Variants in EGFR observed in about 807,000 individuals in gnomAD.
EGFR encodes the protein epidermal growth factor receptor, also known as avian erythroblastic leukemia viral (v-erb-b) oncogene homolog.
A neutral mutation model predicts 143.0 loss-of-function variants in EGFR; 58 were observed. The observed-to-expected ratio is 0.41, with a 90% CI of 0.33 to 0.50. The LOEUF (loss-of-function observed/expected upper bound fraction) is 0.50, where lower values mean the gene tolerates loss of function less well. Ranked by LOEUF, EGFR falls within the 20% of genes least tolerant of loss-of-function variation. EGFR has a pLI of 0.39. For missense variants in EGFR, 1,307 were observed against 1,579.0 expected (o/e 0.83, Z 2.92); for synonymous variants, 613 against 594.4 (o/e 1.03, Z -0.45).
At chr7:55,146,104 T>A (rs1794745450) in intron 3 of EGFR, among the ~76,000 whole-genome samples, 1 of 152,078 alleles carries the variant, frequency 6.6e-6, no homozygotes, top group South Asian at 2.1e-4. Context: ...TACATTCAGA[T>A]TCTTCTTGTT....
At chr7:55,050,891 G>A (rs976901196) in intron 1 of EGFR, among the ~76,000 whole-genome samples, 2 of 152,114 alleles carry the variant, frequency 1.3e-5, no homozygotes, top group African/African-American at 4.8e-5. Flanking sequence ...CCCCCTCCAT[G>A]GCCCTTCCTC....
intron 1 of EGFR, among the ~76,000 whole-genome samples, chr7:55,128,377 G>C (rs955055941): frequency 6.6e-6 from 1 of 152,196 alleles, no homozygotes; most frequent in Non-Finnish European, 1.5e-5. Context: ...CTTCACCTTA[G>C]TCATTGCCCT....
chr7:55,160,338 A>G lies in EGFR; in HGVS notation c.1498A>G (p.Lys500Glu), dbSNP rs1206537132. ...IISNRGENSCKATGQVCHALC... is the reference protein window; with the variant it reads ...IISNRGENSCEATGQVCHALC... ...AAGCAACAGAGGTGAAAACAGCTGC[A>G]GTAAGTCACCGCTTTCTGTTTAGTT... Residue 500 changes from lysine to glutamate, a missense_variant and splice_region_variant, in exon 12 of 28, where the codon AAG becomes GAG. Around this residue, in one of 7 missense-constraint regions of EGFR, gnomAD observed 250 missense variants for 295.1 expected, o/e 0.85. Transcript: ENST00000275493. 1.2e-6 allele frequency: 2 copies of G among 1,612,688 alleles called. No homozygotes were observed. Among genetic ancestry groups the G allele is most frequent in the East Asian group, 4.5e-5 (2 of 44,886 alleles).
Position 55,207,575 on chromosome 7 carries a change from G to A in EGFR, c.*1958G>A, listed in dbSNP as rs1027813426. ...CTGCCTGAGGAGACCTGGAAGGGAG[G>A]CCTCACAGGAGGATGACCAGGTCTC... On this transcript the variant is annotated 3_prime_UTR_variant, in exon 28 of 28. Coordinates refer to ENST00000275493, the MANE Select transcript of EGFR (RefSeq NM_005228.5). 1 of 170,076 alleles carries A rather than the reference G, an allele frequency of 5.9e-6. No homozygotes were observed. The highest frequency in any genetic ancestry group is 2.4e-5 in the African/African-American group (1 of 42,038). 10.5% of individuals were successfully genotyped at this position (170,076 alleles called of 1,614,324 possible).
intron 13 of EGFR, 45 bp from the exon 14 acceptor site, chr7:55,163,688 A>G (rs2128944472): frequency 6.5e-7 from 1 of 1,540,832 alleles, no homozygotes; most frequent in Non-Finnish European, 9.0e-7. Flanking sequence ...TTCCTGCAAT[A>G]ATGTCTCAGG....
At chr7:55,184,127 G>A (rs562155145) in intron 20 of EGFR, among the ~76,000 whole-genome samples, 229 of 152,314 alleles carry the variant, frequency 1.5e-3, no homozygotes, top group African/African-American at 5.4e-3. Flanking sequence ...CTCGTCTCCC[G>A]ACTGTGGAGT....
chr7:55,102,557 A>G (rs1206501628), intron 1 of EGFR, among the ~76,000 whole-genome samples: 3 of 152,222 alleles, frequency 2.0e-5, no homozygotes, highest in African/African-American at 4.8e-5. Context: ...CGTCAAAAGA[A>G]TAAGATTTCA....
chr7:55,067,800 T>C (rs969695460), intron 1 of EGFR, among the ~76,000 whole-genome samples: 3 of 151,216 alleles, frequency 2.0e-5, no homozygotes, highest in African/African-American at 7.4e-5. Context: ...ATAGTTGCCA[T>C]TGTGTGTGCG....
At chr7:55,183,502 C>T (rs573574956) in intron 20 of EGFR, among the ~76,000 whole-genome samples, 35 of 152,164 alleles carry the variant, frequency 2.3e-4, no homozygotes, top group African/African-American at 5.3e-4. Flanking sequence ...TTTGGGTAGA[C>T]GTGAAATGTG....
In EGFR at chr7:55,154,055, C is replaced by T. The variant is rs781427942; in HGVS notation, c.792C>T (p.Cys264=). 3.1e-6 allele frequency: 5 copies of T among 1,614,194 alleles called. No homozygotes were observed. The highest frequency in any genetic ancestry group is 2.2e-5 in the South Asian group (2 of 91,082). ...FRDEATCKDT[C]PPLMLYNPTT... ...ACGAAGCCACGTGCAAGGACACCTG[C>T]CCCCCACTCATGCTCTACAACCCCA... Residue 264 remains cysteine (C), a synonymous_variant, in exon 7 of 28, where the codon TGC becomes TGT. Coordinates refer to ENST00000275493, the MANE Select transcript of EGFR (RefSeq NM_005228.5).
chr7:55,057,432 TG>T (rs1475380295), intron 1 of EGFR, among the ~76,000 whole-genome samples: 2 of 152,184 alleles, frequency 1.3e-5, no homozygotes, highest in Non-Finnish European at 2.9e-5. Flanking sequence ...TATTTATGTG[TG>T]GGTCTGCAGC....
chr7:55,085,892 G>T (rs886310180), intron 1 of EGFR, among the ~76,000 whole-genome samples: 1 of 152,206 alleles, frequency 6.6e-6, no homozygotes, highest in Non-Finnish European at 1.5e-5. Context: ...TTGTGCAGAT[G>T]TGCCTCCGTG....
chr7:55,148,866 A>G (rs1337623377), intron 4 of EGFR, among the ~76,000 whole-genome samples: 1 of 152,192 alleles, frequency 6.6e-6, no homozygotes, highest in African/African-American at 2.4e-5. Context: ...CACCAAAAAA[A>G]AAAATCTCAT....
chr7:55,062,967 G>T (rs963675100), intron 1 of EGFR, among the ~76,000 whole-genome samples: 1 of 152,036 alleles, frequency 6.6e-6, no homozygotes, highest in Admixed American at 6.6e-5. Context: ...AGGCACCACG[G>T]TTCCCTTTTT....
intron 1 of EGFR, among the ~76,000 whole-genome samples, chr7:55,027,988 AAAAAT>A (rs1231355226): frequency 1.2e-3 from 106 of 87,822 alleles, no homozygotes; most frequent in Non-Finnish European, 1.4e-3. Context: ...AAAAAAAAAA[AAAAAT>A]ATATATATAT....
chr7:55,200,227 C>T lies in EGFR; in HGVS notation c.2849-89C>T, dbSNP rs191458048. On this transcript the variant is annotated intron_variant, in intron 23 of 27. Transcript: ENST00000275493. ...TCATCACTTATTTGACTGGAAGTGT[C>T]GCATCACCAATGCCTTCTTTAAGCA... 1.4e-4 allele frequency: 173 copies of T among 1,219,258 alleles called. No individual in the cohort carries two copies. In the East Asian group the frequency reaches 3.7e-3, roughly 26 times the overall value. 75.5% of individuals were successfully genotyped at this position (1,219,258 alleles called of 1,614,324 possible). A position where few individuals can be genotyped will look rare whatever the true frequency, so the allele number is the denominator to read the frequency against.
At chr7:55,097,188 C>A (rs1013203897) in intron 1 of EGFR, among the ~76,000 whole-genome samples, 1 of 152,184 alleles carries the variant, frequency 6.6e-6, no homozygotes, top group Non-Finnish European at 1.5e-5. Context: ...CTGCAGTTTT[C>A]ACAAGCACCC....
intron 1 of EGFR, among the ~76,000 whole-genome samples, chr7:55,048,627 T>C (rs948227823): frequency 5.9e-5 from 9 of 152,172 alleles, no homozygotes; most frequent in Non-Finnish European, 7.3e-5. Context: ...CTGTGTGACG[T>C]TGGGTATGAT....
chr7:55,019,435 CGCGCACCG>C (rs1413864522), intron 1 of EGFR, 70 bp downstream of exon 1: 1 of 1,023,722 alleles, frequency 9.8e-7, no homozygotes, highest in Non-Finnish European at 1.2e-6. Context: ...CCCGCCCAAC[CGCGCACCG>C]GCGCACCGGC....
Sources: allele counts gnomAD v4.1 joint callset (sites outside exome capture counted in the v4.1 genomes callset), GRCh38; gene constraint gnomAD v4.1.1; regional missense constraint gnomAD v4.1.1; transcripts MANE v1.5; gene names NCBI Gene and HGNC (gene_info 2026-07-23, HGNC 2026-07-21).